MTSS1: variants seen among roughly 807,000 people sequenced by gnomAD.
The protein encoded by MTSS1 is protein MTSS 1.
A neutral mutation model predicts 79.0 loss-of-function variants in MTSS1; 18 were observed. The ratio of observed to expected loss-of-function variants is 0.23; its 90% CI spans 0.16 to 0.34. MTSS1 has a LOEUF of 0.34. Among genes scored for constraint, MTSS1 ranks in the 10% least tolerant of loss-of-function variants. MTSS1 has a pLI of 1.00. For missense variants in MTSS1, 815 were observed against 986.2 expected (o/e 0.83, Z 2.33); for synonymous variants, 341 against 368.6 (o/e 0.93, Z 0.86).
At chr8:124,687,396 C>T (rs964393562) in intron 3 of MTSS1, among the ~76,000 whole-genome samples, 1 of 152,118 alleles carries the variant, frequency 6.6e-6, no homozygotes, top group Admixed American at 6.5e-5. Flanking sequence ...GGGCTTAAAT[C>T]GTATTATCCA....
At chr8:124,578,900 A>C (rs1346754864) in intron 6 of MTSS1, among the ~76,000 whole-genome samples, 2 of 152,090 alleles carry the variant, frequency 1.3e-5, no homozygotes, top group Non-Finnish European at 2.9e-5. Flanking sequence ...CAACTGTTAA[A>C]AATAATTAAA....
At chr8:124,560,607 C>G (rs1042559363) in intron 10 of MTSS1, among the ~76,000 whole-genome samples, 1 of 152,014 alleles carries the variant, frequency 6.6e-6, no homozygotes, top group Non-Finnish European at 1.5e-5. Flanking sequence ...CCTATGATCC[C>G]GCCACTGCAC....
chr8:124,626,902 G>T (rs1255777197), intron 3 of MTSS1, among the ~76,000 whole-genome samples: 1 of 152,058 alleles, frequency 6.6e-6, no homozygotes, highest in African/African-American at 2.4e-5. Context: ...ACTAGGAAAG[G>T]TCTCCCAAGG....
At chr8:124,712,804 C>A in intron 1 of MTSS1, among the ~76,000 whole-genome samples, 1 of 152,082 alleles carries the variant, frequency 6.6e-6, no homozygotes, top group East Asian at 1.9e-4. Context: ...AAGACTGAAC[C>A]ACAAAAGGTG....
intron 13 of MTSS1, 82 bp downstream of exon 13, chr8:124,555,660 G>T: frequency 7.0e-7 from 1 of 1,429,754 alleles, no homozygotes; most frequent in Non-Finnish European, 9.3e-7. Context: ...GTGGGTTGTG[G>T]TTAAAATGGA....
At chr8:124,580,521 G>A (rs887733608) in intron 6 of MTSS1, 38 of 1,535,704 alleles carry the variant, frequency 2.5e-5, no homozygotes, top group Non-Finnish European at 3.1e-5. Flanking sequence ...ACCGTGAGCA[G>A]CCACCAGAGA....
chr8:124,622,065 AG>A (rs67807156), intron 3 of MTSS1, among the ~76,000 whole-genome samples: 39,055 of 138,270 alleles, frequency 0.28, 6,868 homozygotes, highest in African/African-American at 0.52. Flanking sequence ...AGAGAAAGAG[AG>A]AGAGAGAGAG....
intron 3 of MTSS1, among the ~76,000 whole-genome samples, chr8:124,662,753 G>T (rs1161030765): frequency 6.6e-6 from 1 of 152,082 alleles, no homozygotes; most frequent in Non-Finnish European, 1.5e-5. Flanking sequence ...TTTTTTATTT[G>T]TAAGTACCAA....
At chr8:124,718,799 C>T (rs1272340171) in intron 1 of MTSS1, among the ~76,000 whole-genome samples, 1 of 152,180 alleles carries the variant, frequency 6.6e-6, no homozygotes, top group Non-Finnish European at 1.5e-5. Context: ...AAACATGTGT[C>T]GTGTGGCTGC....
chr8:124,570,459 G>A (rs1044733285), intron 6 of MTSS1, among the ~76,000 whole-genome samples: 3 of 152,098 alleles, frequency 2.0e-5, no homozygotes, highest in Admixed American at 6.6e-5. Context: ...GACTACATTC[G>A]CATGACTTTT....
At chr8:124,641,915 C>T (rs188433461) in intron 3 of MTSS1, among the ~76,000 whole-genome samples, 1 of 152,160 alleles carries the variant, frequency 6.6e-6, no homozygotes, top group Admixed American at 6.5e-5. Context: ...TCCCCTCTTC[C>T]CGCCAATTGT....
chr8:124,703,064 A>C (rs771926343), intron 2 of MTSS1, among the ~76,000 whole-genome samples: 18 of 152,128 alleles, frequency 1.2e-4, no homozygotes, highest in Non-Finnish European at 2.5e-4. Flanking sequence ...TTTTCAGGGT[A>C]TGAGTCAATG....
intron 2 of MTSS1, among the ~76,000 whole-genome samples, chr8:124,701,370 C>T (rs1183364334): frequency 6.6e-6 from 1 of 152,096 alleles, no homozygotes; most frequent in Non-Finnish European, 1.5e-5. Flanking sequence ...GGCAACAGTC[C>T]CTTACAGCCA....
chr8:124,618,457 G>T (rs867650858), intron 3 of MTSS1, among the ~76,000 whole-genome samples: 2 of 152,234 alleles, frequency 1.3e-5, no homozygotes, highest in Non-Finnish European at 1.5e-5. Context: ...ACAGGGCAGG[G>T]TCTGTGTACC....
chr8:124,724,402 C>T (rs1335462936), intron 1 of MTSS1, among the ~76,000 whole-genome samples: 1 of 152,142 alleles, frequency 6.6e-6, no homozygotes, highest in African/African-American at 2.4e-5. Flanking sequence ...GGTAACAGGA[C>T]ACCCCTGTCT....
intron 3 of MTSS1, among the ~76,000 whole-genome samples, chr8:124,692,625 C>T (rs1828136188): frequency 6.6e-6 from 1 of 152,170 alleles, no homozygotes; most frequent in Non-Finnish European, 1.5e-5. Flanking sequence ...TCCTCCACTC[C>T]ATCCATGAAG....
chr8:124,662,693 T>TTA (rs1822284746), intron 3 of MTSS1, among the ~76,000 whole-genome samples: 1 of 152,134 alleles, frequency 6.6e-6, no homozygotes, highest in African/African-American at 2.4e-5. Context: ...CTATTATTTA[T>TTA]TATATTTGTA....
intron 3 of MTSS1, among the ~76,000 whole-genome samples, chr8:124,618,485 T>C (rs1453641217): frequency 6.6e-6 from 1 of 152,258 alleles, no homozygotes; most frequent in Non-Finnish European, 1.5e-5. Context: ...TCATTTTTAA[T>C]CTGCAGTTGA....
chr8:124,606,803 T>C (rs568235600), intron 3 of MTSS1, among the ~76,000 whole-genome samples: 2 of 152,062 alleles, frequency 1.3e-5, no homozygotes, highest in African/African-American at 4.8e-5. Flanking sequence ...AGGCCATGAG[T>C]TCAGGGTGGA....
Sources: allele counts gnomAD v4.1 joint callset (sites outside exome capture counted in the v4.1 genomes callset), GRCh38; gene constraint gnomAD v4.1.1; transcripts MANE v1.5; gene names NCBI Gene and HGNC (gene_info 2026-07-23, HGNC 2026-07-21).